The following FAXC variants were observed in gnomAD, a reference collection of about 807,000 sequenced individuals.
FAXC encodes the protein failed axon connections homolog, metaxin like GST domain containing, also known as failed axon connections homolog.
In FAXC, 10 loss-of-function variants were observed where a neutral mutation model predicts 41.9. The observed-to-expected ratio is 0.24, with a 90% confidence interval of 0.15 to 0.41. FAXC has a LOEUF of 0.41. Ranked by LOEUF, FAXC falls within the 10% of genes least tolerant of loss-of-function variation. FAXC has a pLI of 1.00. For synonymous variants in FAXC, 183 were observed against 183.8 expected (o/e 1.00, Z 0.03); for missense variants, 399 against 510.9 (o/e 0.78, Z 2.11).
At chr6:99,312,950 T>A (rs1420449855) in intron 4 of FAXC, among the ~76,000 whole-genome samples, 2 of 152,298 alleles carry the variant, frequency 1.3e-5, no homozygotes, top group East Asian at 3.9e-4. Context: ...ATATGCCAAT[T>A]TGATTGACAG....
At position 99,271,731 on chromosome 6, in the gene FAXC, C is replaced by G. The variant is rs1378154843; in HGVS notation, c.*9433G>C. On this transcript the variant is annotated 3_prime_UTR_variant, in exon 6 of 6. Transcript: ENST00000389677. The stretch of plus-strand genomic sequence containing the variant: ...GGAAATTAGGGGGTTCTCTCATTTC[C>G]TACTTAATAGATATTCCCATGTTGG... The G allele has an allele frequency of 6.6e-6, 1 of 152,142 alleles. No homozygotes were observed. Among genetic ancestry groups the G allele is most frequent in the East Asian group, 1.9e-4 (1 of 5,202 alleles). 9.4% of individuals were successfully genotyped at this position (152,142 alleles called of 1,614,324 possible).
At chr6:99,288,564 C>A (rs545850943) in intron 5 of FAXC, among the ~76,000 whole-genome samples, 1 of 152,128 alleles carries the variant, frequency 6.6e-6, no homozygotes, top group African/African-American at 2.4e-5. Context: ...ATTTTAAATG[C>A]CACGAACCTC....
At position 99,333,662 on chromosome 6, in the gene FAXC, G is replaced by C. The variant is rs949086125; in HGVS notation, c.403-115C>G. 7 of 883,330 alleles carry C rather than the reference G, an allele frequency of 7.9e-6. No individual in the cohort carries two copies. In the African/African-American group the frequency reaches 1.2e-4, roughly 15 times the overall value. The allele number at this position is 883,330 out of a possible 1,614,324, so 54.7% of individuals were successfully genotyped here. A position where few individuals can be genotyped will look rare whatever the true frequency, so the allele number is the denominator to read the frequency against. On this transcript the variant is annotated intron_variant, in intron 2 of 5. Transcript: ENST00000389677. ...GTTTGATAGTGACAGTACTACTCAA[G>C]TGAATGAACTCAGGGCATAAACTCC...
intron 2 of FAXC, chr6:99,334,518 T>C (rs1001925352): frequency 9.6e-6 from 5 of 519,534 alleles, no homozygotes; most frequent in Non-Finnish European, 1.2e-5. Context: ...TCCCTGATGT[T>C]ACCCCAGGAG....
At chr6:99,304,007 T>G (rs1310466958) in intron 4 of FAXC, among the ~76,000 whole-genome samples, 1 of 152,194 alleles carries the variant, frequency 6.6e-6, no homozygotes, top group Non-Finnish European at 1.5e-5. Flanking sequence ...GTCGGCCGGG[T>G]GTGGTGGCTC....
chr6:99,333,334 C>A lies in FAXC; in HGVS notation c.599+17G>T. ...GGCTTACTTCGAAAGGACGGGGACA[C>A]CCCAGAGGGGACTCACCAGTAGAAG... On this transcript the variant is annotated intron_variant, in intron 3 of 5. Coordinates refer to ENST00000389677, the MANE Select transcript of FAXC (RefSeq NM_032511.4). The A allele has an allele frequency of 5.6e-6, 9 of 1,594,744 alleles. No homozygotes were observed. The highest frequency in any genetic ancestry group is 7.7e-6 in the Non-Finnish European group (9 of 1,171,946).
chr6:99,344,662 G>T (rs9321491), intron 1 of FAXC, among the ~76,000 whole-genome samples: 1 of 151,938 alleles, frequency 6.6e-6, no homozygotes, highest in South Asian at 2.1e-4. Flanking sequence ...TGGAATGTTC[G>T]AGAAGTCAGG....
At chr6:99,284,115 T>G (rs2128447170) in intron 5 of FAXC, 1 of 152,326 alleles carries the variant, frequency 6.6e-6, no homozygotes, top group South Asian at 2.1e-4. Context: ...CCTGTTGAAT[T>G]CATATTAACC....
At chr6:99,346,465 C>A (rs1199005921) in intron 1 of FAXC, among the ~76,000 whole-genome samples, 1 of 152,228 alleles carries the variant, frequency 6.6e-6, no homozygotes, top group Non-Finnish European at 1.5e-5. Context: ...CGGCTCACTG[C>A]AACCTCCGCC....
chr6:99,326,736 A>G (rs1772818344), intron 3 of FAXC, among the ~76,000 whole-genome samples: 1 of 152,178 alleles, frequency 6.6e-6, no homozygotes, highest in Non-Finnish European at 1.5e-5. Flanking sequence ...CAGCTTGGAG[A>G]GAAGTAGGGG....
intron 4 of FAXC, among the ~76,000 whole-genome samples, chr6:99,322,814 AGCCCGCGGGTACACACT>A (rs1772640272): frequency 6.6e-6 from 1 of 152,166 alleles, no homozygotes; most frequent in African/African-American, 2.4e-5. Context: ...CATCCTCACC[AGCCCGCGGGTACACACT>A]GCTCTCTGTG....
chr6:99,284,793 G>A (rs1003450103), intron 5 of FAXC, among the ~76,000 whole-genome samples: 1 of 151,770 alleles, frequency 6.6e-6, no homozygotes, highest in African/African-American at 2.4e-5. Flanking sequence ...AGGCGCCTGT[G>A]GTCCCAGCTA....
At chr6:99,329,352 G>A (rs1772944157) in intron 3 of FAXC, among the ~76,000 whole-genome samples, 1 of 152,152 alleles carries the variant, frequency 6.6e-6, no homozygotes, top group African/African-American at 2.4e-5. Context: ...GCTGACCCCT[G>A]GTATTTTAAT....
chr6:99,327,028 G>A (rs946080841), intron 3 of FAXC, among the ~76,000 whole-genome samples: 12 of 152,150 alleles, frequency 7.9e-5, no homozygotes, highest in African/African-American at 2.4e-4. Flanking sequence ...CACAGAAGAC[G>A]AAACACTGGC....
chr6:99,303,698 C>A (rs1006452017), intron 4 of FAXC, among the ~76,000 whole-genome samples: 1 of 152,204 alleles, frequency 6.6e-6, no homozygotes, highest in Non-Finnish European at 1.5e-5. Flanking sequence ...CTGGAGGTCA[C>A]CAAAATATTA....
intron 2 of FAXC, among the ~76,000 whole-genome samples, chr6:99,337,780 A>G (rs1029741094): frequency 2.0e-5 from 3 of 152,250 alleles, no homozygotes; most frequent in Non-Finnish European, 2.9e-5. Flanking sequence ...AACTGTGTTC[A>G]ATACATTGAG....
At chr6:99,338,880 T>A (rs1562185170) in intron 2 of FAXC, among the ~76,000 whole-genome samples, 1 of 152,214 alleles carries the variant, frequency 6.6e-6, no homozygotes, top group Non-Finnish European at 1.5e-5. Context: ...AGTTACCAGT[T>A]ATAAAGATTC....
intron 4 of FAXC, among the ~76,000 whole-genome samples, chr6:99,298,804 T>A (rs1771590631): frequency 6.6e-6 from 1 of 152,174 alleles, no homozygotes; most frequent in African/African-American, 2.4e-5. Flanking sequence ...TATTCTAACA[T>A]AAGGAATTCT....
At chr6:99,335,773 C>G (rs1367617555) in intron 2 of FAXC, among the ~76,000 whole-genome samples, 2 of 152,128 alleles carry the variant, frequency 1.3e-5, no homozygotes, top group African/African-American at 2.4e-5. Context: ...TTCGCAGCAC[C>G]AATTATCTAT....
Sources: gnomAD v4.1 joint callset for allele counts (sites outside exome capture counted in the v4.1 genomes callset) on GRCh38, gnomAD v4.1.1 for gene constraint, MANE v1.5 for transcripts, NCBI Gene and HGNC (gene_info 2026-07-23, HGNC 2026-07-21) for gene names.